PEX14: variants seen among roughly 807,000 people sequenced by gnomAD.
PEX14 encodes peroxisomal biogenesis factor 14, also known as peroxisomal membrane protein PEX14.
A neutral mutation model predicts 49.5 loss-of-function variants in PEX14; 15 were observed. That is an observed-to-expected ratio of 0.30 (90% CI 0.20 to 0.47). The LOEUF (loss-of-function observed/expected upper bound fraction) is 0.47. Among genes scored for constraint, PEX14 ranks in the 20% least tolerant of loss-of-function variants. The probability of loss-of-function intolerance (pLI) is 1.00; values close to 1 mark genes in which losing one functional copy is unlikely to be tolerated. For synonymous variants in PEX14, 210 were observed against 212.7 expected, an observed-to-expected ratio of 0.99 and a Z score of 0.11; for missense variants, 398 against 494.8, an observed-to-expected ratio of 0.80 and a Z score of 1.86.
rs1339917491 is a variant in PEX14, at chr1:10,618,825, T to C, written c.384+408T>C. 4.6e-5 allele frequency among the ~76,000 whole-genome samples: 7 copies of C among 152,190 alleles called. No individual in the cohort carries two copies. In the South Asian group the frequency reaches 8.3e-4, roughly 18 times the overall value. ...CTTTGCTGAGCCCTGGCTCTGCCCC[T>C]CAGGAGCTTGGTGATCACAGGCTCT... On this transcript the variant is annotated intron_variant, in intron 5 of 8. Transcript: ENST00000356607.
chr1:10,519,600 C>T (rs1642031324), intron 2 of PEX14, among the ~76,000 whole-genome samples: 2 of 152,178 alleles, frequency 1.3e-5, no homozygotes, highest in Admixed American at 1.3e-4. Flanking sequence ...TAAGACTGTG[C>T]TGGACTTGCA....
chr1:10,577,921 T>C (rs1640198412), intron 3 of PEX14, among the ~76,000 whole-genome samples: 4 of 151,546 alleles, frequency 2.6e-5, no homozygotes, highest in South Asian at 4.2e-4. Flanking sequence ...AAGCAGAAAT[T>C]GGAGTGAATT....
intron 3 of PEX14, among the ~76,000 whole-genome samples, chr1:10,541,900 C>T (rs763882605): frequency 6.6e-6 from 1 of 152,180 alleles, no homozygotes; most frequent in African/African-American, 2.4e-5. Flanking sequence ...GTTTCCTCCA[C>T]TTCACCCTGC....
intron 5 of PEX14, among the ~76,000 whole-genome samples, chr1:10,622,560 C>T (rs2124638712): frequency 6.6e-6 from 1 of 152,330 alleles, no homozygotes; most frequent in South Asian, 2.1e-4. Context: ...GATTCACTCA[C>T]AGGTTCAAAA....
At chr1:10,625,163 G>A (rs1393808310) in intron 7 of PEX14, among the ~76,000 whole-genome samples, 1 of 152,190 alleles carries the variant, frequency 6.6e-6, no homozygotes, top group Non-Finnish European at 1.5e-5. Flanking sequence ...GGTTCAAGAG[G>A]GTGCCTGGCT....
At chr1:10,508,882 G>A (rs1641835449) in intron 2 of PEX14, among the ~76,000 whole-genome samples, 1 of 152,176 alleles carries the variant, frequency 6.6e-6, no homozygotes, top group Admixed American at 6.5e-5. Flanking sequence ...GGGGAAGGGT[G>A]GGAGTTTCCA....
intron 1 of PEX14, 150 bp downstream of exon 1, chr1:10,475,152 G>A: frequency 1.4e-6 from 1 of 725,794 alleles, no homozygotes; most frequent in South Asian, 1.5e-5. Context: ...CCCTCCCCAG[G>A]TCCTCCCCAC....
Position 10,601,843 on chromosome 1 carries a change from G to A in PEX14, c.298+2477G>A, listed in dbSNP as rs141711149. On this transcript the variant is annotated intron_variant, in intron 4 of 8. Coordinates refer to ENST00000356607, the MANE Select transcript of PEX14 (RefSeq NM_004565.3). ...TTTAGTTGTGTCCCTGGGCCCAGCCGTGTAATGGGATTTGTTGAGGATAGG... is the reference window on the plus strand; with the variant it reads ...TTTAGTTGTGTCCCTGGGCCCAGCCATGTAATGGGATTTGTTGAGGATAGG... Among the ~76,000 whole-genome samples, 278 of 152,334 alleles carry A rather than the reference G, an allele frequency of 1.8e-3. 3 individuals are homozygous for A. The highest frequency in any genetic ancestry group is 6.5e-3 in the African/African-American group (270 of 41,574).
At position 10,539,090 on chromosome 1, in the gene PEX14, G is replaced by C. The variant is rs1488575138; in HGVS notation, c.169+2793G>C. ...GTTCAGTGGAAAATGAGGCGCATCAGCTGAGTTTGTTTCATTGTGAAACCG... is the reference window on the plus strand; with the variant it reads ...GTTCAGTGGAAAATGAGGCGCATCACCTGAGTTTGTTTCATTGTGAAACCG... On this transcript the variant is annotated intron_variant, in intron 3 of 8. Coordinates refer to ENST00000356607, the MANE Select transcript of PEX14 (RefSeq NM_004565.3). This position sits in a 1 kb window ranked among gnomAD's most constrained non-coding sequence, Gnocchi z 4.6. Among the ~76,000 whole-genome samples, 1 of 152,150 alleles carries C rather than the reference G, an allele frequency of 6.6e-6. No homozygotes were observed. The highest frequency in any genetic ancestry group is 1.5e-5 in the Non-Finnish European group (1 of 68,052).
intron 1 of PEX14, among the ~76,000 whole-genome samples, chr1:10,487,474 T>C (rs991654787): frequency 5.4e-4 from 70 of 130,082 alleles, no homozygotes; most frequent in Non-Finnish European, 9.3e-4. Flanking sequence ...TTACTTTTTC[T>C]TTCTTTCTTT....
At chr1:10,533,966 C>G (rs1350414990) in intron 2 of PEX14, among the ~76,000 whole-genome samples, 2 of 152,156 alleles carry the variant, frequency 1.3e-5, no homozygotes, top group Non-Finnish European at 2.9e-5. Flanking sequence ...ATACCAAGGA[C>G]TATATTAAAA....
At chr1:10,526,810 G>T (rs1205778255) in intron 2 of PEX14, among the ~76,000 whole-genome samples, 1 of 152,074 alleles carries the variant, frequency 6.6e-6, no homozygotes, top group South Asian at 2.1e-4. Context: ...TTGGATTTTG[G>T]ATTTTCAGAT....
intron 3 of PEX14, among the ~76,000 whole-genome samples, chr1:10,557,612 G>A (rs1163722044): frequency 6.6e-6 from 1 of 152,142 alleles, no homozygotes; most frequent in African/African-American, 2.4e-5. Flanking sequence ...AAACCTCAGA[G>A]CTGCTAATCC....
Position 10,542,490 on chromosome 1 carries a change from G to A in PEX14, c.169+6193G>A, listed in dbSNP as rs138853127. Among the ~76,000 whole-genome samples the A allele has an allele frequency of 2.7e-3, 417 of 152,254 alleles. 4 individuals carry two copies. The highest frequency in any genetic ancestry group is 2.2e-3 in the Non-Finnish European group (151 of 68,036). ...TTAAAAACTAGTCCCGGCTGGGCGC[G>A]GTGGCTCACGCCTATAATCCCAGCA... On this transcript the variant is annotated intron_variant, in intron 3 of 8. Coordinates refer to ENST00000356607, the MANE Select transcript of PEX14 (RefSeq NM_004565.3).
intron 3 of PEX14, among the ~76,000 whole-genome samples, chr1:10,582,983 C>A (rs1363287853): frequency 2.0e-5 from 3 of 151,948 alleles, no homozygotes; most frequent in Non-Finnish European, 2.9e-5. Context: ...TGATCTGTCC[C>A]TCCTCGGCCT....
intron 7 of PEX14, 59 bp from the exon 8 acceptor site, chr1:10,627,213 G>T: frequency 8.5e-7 from 1 of 1,174,416 alleles, no homozygotes; most frequent in Non-Finnish European, 1.3e-6. Context: ...TCCTGCAGCC[G>T]CAGGCCCCGC....
intron 1 of PEX14, among the ~76,000 whole-genome samples, chr1:10,481,060 T>TA (rs570930041): frequency 4.6e-5 from 7 of 150,710 alleles, no homozygotes; most frequent in Admixed American, 3.3e-4. Context: ...TTTTCACACT[T>TA]AAAAAAAATC....
At chr1:10,531,121 T>C (rs577543776) in intron 2 of PEX14, among the ~76,000 whole-genome samples, 3 of 152,280 alleles carry the variant, frequency 2.0e-5, no homozygotes, top group African/African-American at 7.2e-5. Flanking sequence ...ACCAGAATTA[T>C]GTTGTCCTAG....
chr1:10,547,161 C>T (rs1184172361), intron 3 of PEX14, among the ~76,000 whole-genome samples: 6 of 152,278 alleles, frequency 3.9e-5, no homozygotes, highest in African/African-American at 9.6e-5. Context: ...GGAAAAGCAA[C>T]GACAGGACAC....
Sources: gnomAD v4.1 joint callset for allele counts (sites outside exome capture counted in the v4.1 genomes callset) on GRCh38, gnomAD v4.1.1 for gene constraint, Gnocchi (gnomAD v3.1) non-coding constraint, MANE v1.5 for transcripts, NCBI Gene and HGNC (gene_info 2026-07-23, HGNC 2026-07-21) for gene names.